The following PSD3 variants were observed in gnomAD, a reference collection of about 807,000 sequenced individuals.
PSD3 encodes the protein PH and SEC7 domain-containing protein 3.
Under a neutral mutation model 105.5 loss-of-function variants are expected in PSD3, and 49 were observed. The ratio of observed to expected loss-of-function variants is 0.46; its 90% CI spans 0.37 to 0.59. PSD3 has a LOEUF of 0.59. PSD3 is among the 20% of genes least tolerant of loss of function. The pLI, the probability that PSD3 is intolerant of heterozygous loss-of-function variation, is 0.00. For missense variants in PSD3, 1,561 were observed against 1,263.8 expected (o/e 1.24, Z -3.57); for synonymous variants, 557 against 457.8 (o/e 1.22, Z -2.77).
upstream of PSD3, among the ~76,000 whole-genome samples, chr8:19,017,922 A>G (rs1468341662): frequency 2.0e-5 from 3 of 152,120 alleles, no homozygotes; most frequent in African/African-American, 4.8e-5. Context: ...TTTCCATTCT[A>G]CCTAGAGTAG....
intron 9 of PSD3, among the ~76,000 whole-genome samples, chr8:18,715,550 T>C (rs191899587): frequency 1.3e-5 from 2 of 152,288 alleles, no homozygotes; most frequent in Admixed American, 6.5e-5. Flanking sequence ...ATGTTTTTCC[T>C]ACAGACTAGA....
chr8:18,831,367 C>A (rs1305960729), intron 4 of PSD3, among the ~76,000 whole-genome samples: 1 of 152,182 alleles, frequency 6.6e-6, no homozygotes, highest in African/African-American at 2.4e-5. Flanking sequence ...AGTAATTTCA[C>A]ATAAAATCAG....
chr8:18,901,678 T>G (rs1819511300), intron 2 of PSD3, among the ~76,000 whole-genome samples: 1 of 152,228 alleles, frequency 6.6e-6, no homozygotes, highest in Non-Finnish European at 1.5e-5. Context: ...CACTTCCAGA[T>G]GCAGGACTCC....
chr8:18,796,889 G>GTAA, intron 8 of PSD3, among the ~76,000 whole-genome samples: 1 of 152,266 alleles, frequency 6.6e-6, no homozygotes, highest in East Asian at 1.9e-4. Context: ...ATAGCATTAA[G>GTAA]GAGAAGGTGA....
chr8:18,554,452 G>A lies in PSD3; in HGVS notation c.2928+1757C>T, dbSNP rs555773875. Among the ~76,000 whole-genome samples the A allele has an allele frequency of 5.5e-4, 84 of 152,180 alleles. No individual in the cohort carries two copies. The South Asian group carries it at 0.017, about 31-fold the overall frequency. On this transcript the variant is annotated intron_variant, in intron 15 of 15. Transcript: ENST00000327040. ...GCTTCTACGGTTTTTGCTAAGAAAC[G>A]TTTACCTTTACCAAAATAAATAGTT...
At chr8:18,693,695 A>G (rs978752533) in intron 9 of PSD3, among the ~76,000 whole-genome samples, 1 of 152,162 alleles carries the variant, frequency 6.6e-6, no homozygotes, top group Non-Finnish European at 1.5e-5. Flanking sequence ...CTAGCCCCAC[A>G]CTTTTCCTAC....
At chr8:19,056,659 A>G (rs1828718665) in intron 1 of PSD3, among the ~76,000 whole-genome samples, 1 of 152,188 alleles carries the variant, frequency 6.6e-6, no homozygotes. Context: ...CAACTATTCC[A>G]AACTCTGTCG....
At chr8:18,639,941 C>T (rs996464797) in intron 10 of PSD3, among the ~76,000 whole-genome samples, 8 of 152,198 alleles carry the variant, frequency 5.3e-5, no homozygotes, top group Admixed American at 6.5e-5. Context: ...TGCAGCATCT[C>T]TCTAGATCTC....
Position 18,869,190 on chromosome 8 carries a change from C to CT in PSD3, c.1239-1122dup, listed in dbSNP as rs10648699. On this transcript the variant is annotated intron_variant, in intron 3 of 15. Coordinates refer to ENST00000327040, the MANE Select transcript of PSD3 (RefSeq NM_015310.4). ...ACTCACTGCACCCCACTCTCCCCTGCTTTTTTTTTTTTTTTTTGAGATGCA... is the reference window on the plus strand; with the variant it reads ...ACTCACTGCACCCCACTCTCCCCTGCTTTTTTTTTTTTTTTTTTGAGATGCA... Among the ~76,000 whole-genome samples the CT allele has an allele frequency of 9.2e-3, 1,098 of 119,738 alleles. 51 individuals are homozygous for CT. The highest frequency in any genetic ancestry group is 0.021 in the African/African-American group (661 of 30,994). 78.6% of individuals were successfully genotyped at this position (119,738 alleles called of 152,430 possible). A position where few individuals can be genotyped will look rare whatever the true frequency, so the allele number is the denominator to read the frequency against.
At chr8:18,984,609 A>G (rs146085566) in intron 1 of PSD3, among the ~76,000 whole-genome samples, 3 of 152,234 alleles carry the variant, frequency 2.0e-5, no homozygotes, top group East Asian at 1.9e-4. Context: ...TGAGGCCACA[A>G]TATAATTTTG....
chr8:19,062,967 C>T (rs111225959), intron 1 of PSD3, among the ~76,000 whole-genome samples: 28 of 151,940 alleles, frequency 1.8e-4, no homozygotes, highest in African/African-American at 6.3e-4. Context: ...AGTGAAGGTG[C>T]CGATAGGTAT....
In PSD3 at chr8:18,872,350, C is replaced by T. The variant is rs1045410117; in HGVS notation, c.514G>A (p.Glu172Lys). 1.3e-5 allele frequency: 21 copies of T among 1,614,036 alleles called. No homozygotes were observed. The highest frequency in any genetic ancestry group is 1.5e-5 in the Non-Finnish European group (18 of 1,180,048). ...SSFSVQQVEK[E>K]LDTASRKTQR... ...GTTTTACGACTGGCAGTGTCCAGCTCTTTTTCCACCTGCTGAACTGAAAAA... is the reference window on the plus strand; with the variant it reads ...GTTTTACGACTGGCAGTGTCCAGCTTTTTTTCCACCTGCTGAACTGAAAAA... Residue 172 changes from glutamate to lysine, a missense_variant, in exon 3 of 16, where the codon GAG (glutamate) becomes AAG (lysine). Glu to Lys is a moderately conservative substitution (Grantham distance 56). Coordinates refer to ENST00000327040, the MANE Select transcript of PSD3 (RefSeq NM_015310.4).
intron 9 of PSD3, among the ~76,000 whole-genome samples, chr8:18,663,279 T>G (rs1809491312): frequency 6.6e-6 from 1 of 151,982 alleles, no homozygotes; most frequent in African/African-American, 2.4e-5. Flanking sequence ...ACACAAAAAT[T>G]AGCCAGGTGT....
chr8:18,949,247 ATATATATATATAT>A (rs1823080517), intron 1 of PSD3, among the ~76,000 whole-genome samples: 2 of 69,990 alleles, frequency 2.9e-5, no homozygotes, highest in Non-Finnish European at 5.2e-5. Context: ...AAAAAAAAAT[ATATATATATATAT>A]ATATATATAT....
In PSD3 at chr8:18,678,184, G is replaced by A. The variant is rs547048963; in HGVS notation, c.2173-22499C>T. 3.9e-5 allele frequency among the ~76,000 whole-genome samples: 6 copies of A among 152,194 alleles called. No homozygotes were observed. The South Asian group carries it at 8.3e-4, about 21-fold the overall frequency. ...ATCTTTGCACTACCAGATTTACTTT[G>A]TTCAACACACCACCTCCCTAATTCC... is the stretch of plus-strand genomic sequence containing the variant. On this transcript the variant is annotated intron_variant, in intron 9 of 15. Transcript: ENST00000327040.
intron 1 of PSD3, among the ~76,000 whole-genome samples, chr8:19,083,103 C>G (rs1829694750): frequency 6.6e-6 from 1 of 152,146 alleles, no homozygotes; most frequent in African/African-American, 2.4e-5. Context: ...TGTGACTTCC[C>G]TGAGATTCCT....
chr8:18,568,145 G>A lies in PSD3; in HGVS notation c.2784+4383C>T, dbSNP rs182000001. On this transcript the variant is annotated intron_variant, in intron 14 of 15. Coordinates refer to ENST00000327040, the MANE Select transcript of PSD3 (RefSeq NM_015310.4). ...TGCTTCGTGTATAGCCTGCAGAACCGTGAGCCAAATAAACCTCTCTTCTTT... is the reference window on the plus strand; with the variant it reads ...TGCTTCGTGTATAGCCTGCAGAACCATGAGCCAAATAAACCTCTCTTCTTT... Among the ~76,000 whole-genome samples, 521 of 152,116 alleles carry A rather than the reference G, an allele frequency of 3.4e-3. 1 individual carries two copies. Among genetic ancestry groups the A allele is most frequent in the Middle Eastern group, 0.01 (3 of 292 alleles).
At chr8:18,598,584 T>A (rs2450962) in intron 12 of PSD3, among the ~76,000 whole-genome samples, 123,752 of 152,042 alleles carry the variant, frequency 0.81, 50,692 homozygotes, top group South Asian at 0.92. Context: ...AAAGCGATGA[T>A]ATTAATATCC....
intron 11 of PSD3, among the ~76,000 whole-genome samples, chr8:18,622,780 C>G (rs1424491637): frequency 6.6e-6 from 1 of 152,158 alleles, no homozygotes; most frequent in African/African-American, 2.4e-5. Flanking sequence ...GTACAGGCAG[C>G]ATCTTCTGAC....
Sources: allele counts gnomAD v4.1 joint callset (sites outside exome capture counted in the v4.1 genomes callset), GRCh38; gene constraint gnomAD v4.1.1; transcripts MANE v1.5; gene names NCBI Gene and HGNC (gene_info 2026-07-23, HGNC 2026-07-21).